Variants in CAPN8 observed in about 807,000 individuals in gnomAD.
CAPN8 encodes the protein calpain 8.
A neutral mutation model predicts 80.9 loss-of-function variants in CAPN8; 87 were observed. The ratio of observed to expected loss-of-function variants is 1.07; its 90% CI spans 0.90 to 1.28. The LOEUF (loss-of-function observed/expected upper bound fraction) is 1.28, where lower values mean the gene tolerates loss of function less well. Ranked by LOEUF, CAPN8 falls within the 50% of genes most tolerant of loss-of-function variation. The pLI is 0.00. For missense variants in CAPN8, 757 were observed against 702.0 expected (o/e 1.08, Z -0.89); for synonymous variants, 299 against 273.8 (o/e 1.09, Z -0.91).
chr1:223,619,168 T>A, intron 9 of CAPN8, 125 bp downstream of exon 9: 1 of 1,165,906 alleles, frequency 8.6e-7, no homozygotes, highest in South Asian at 1.6e-5. Flanking sequence ...CACTCCAACC[T>A]GGGGAACAGA....
chr1:223,544,896 C>T, intron 17 of CAPN8, 46 bp from the exon 18 acceptor site: 2 of 1,550,666 alleles, frequency 1.3e-6, no homozygotes, highest in Middle Eastern at 1.7e-4. Flanking sequence ...CATTCACGGC[C>T]CCTGCCAGAA....
At chr1:223,615,897 A>ACTTTTTC in intron 10 of CAPN8, 73 bp downstream of exon 10, 1 of 1,516,338 alleles carries the variant, frequency 6.6e-7, no homozygotes, top group Non-Finnish European at 8.9e-7. Context: ...AAGATGTGCT[A>ACTTTTTC]CAATGACTGG....
chr1:223,651,853 T>C (rs1381835111), intron 2 of CAPN8, among the ~76,000 whole-genome samples: 4 of 152,204 alleles, frequency 2.6e-5, no homozygotes, highest in Non-Finnish European at 5.9e-5. Context: ...CAAACAGTGT[T>C]GATAGTGTGC....
intron 2 of CAPN8, among the ~76,000 whole-genome samples, chr1:223,653,020 A>C (rs752218069): frequency 6.6e-6 from 1 of 151,966 alleles, no homozygotes; most frequent in Non-Finnish European, 1.5e-5. Flanking sequence ...TACCTTTCCC[A>C]AAGTTAAAAC....
At chr1:223,611,854 G>T (rs1657038316) in intron 11 of CAPN8, among the ~76,000 whole-genome samples, 1 of 152,200 alleles carries the variant, frequency 6.6e-6, no homozygotes, top group East Asian at 1.9e-4. Flanking sequence ...AGCCAAGCTT[G>T]AAAACCCAGA....
chr1:223,651,584 G>A (rs919160052), intron 2 of CAPN8, among the ~76,000 whole-genome samples: 1 of 152,210 alleles, frequency 6.6e-6, no homozygotes, highest in African/African-American at 2.4e-5. Flanking sequence ...CACCCTGACA[G>A]AAGCAGCCAG....
At chr1:223,642,337 T>G (rs1419991001) in intron 2 of CAPN8, among the ~76,000 whole-genome samples, 1 of 152,204 alleles carries the variant, frequency 6.6e-6, no homozygotes, top group Non-Finnish European at 1.5e-5. Context: ...AACTATAATT[T>G]TTATAGCCTC....
In CAPN8 at chr1:223,620,390, C is replaced by T. The variant is rs768991059; in HGVS notation, c.900-124G>A. On this transcript the variant is annotated intron_variant, in intron 7 of 20. Coordinates refer to ENST00000366872, the MANE Select transcript of CAPN8 (RefSeq NM_001143962.2). Reference sequence around the variant, plus strand: ...AAATACCAAAAGCACTGCAGGCAGACAGAAAGGCAGAATGGACAGTGTGGC... The same window carrying T: ...AAATACCAAAAGCACTGCAGGCAGATAGAAAGGCAGAATGGACAGTGTGGC... 388 of 792,428 alleles carry T rather than the reference C, an allele frequency of 4.9e-4. 4 individuals are homozygous for T. The Middle Eastern group carries it at 0.015, about 31-fold the overall frequency. 49.1% of individuals were successfully genotyped at this position (792,428 alleles called of 1,614,324 possible). A position where few individuals can be genotyped will look rare whatever the true frequency, so the allele number is the denominator to read the frequency against.
intron 11 of CAPN8, 30 bp from the exon 12 acceptor site, chr1:223,609,394 C>G (rs1182716320): frequency 2.5e-6 from 1 of 398,424 alleles, no homozygotes; most frequent in Non-Finnish European, 4.4e-6. Context: ...GAGTCAATTT[C>G]TTGTTAAATC....
intron 19 of CAPN8, among the ~76,000 whole-genome samples, chr1:223,543,553 T>G (rs1656531124): frequency 6.6e-6 from 1 of 152,156 alleles, no homozygotes; most frequent in Admixed American, 6.5e-5. Context: ...CTTGACCCAC[T>G]AGAACGTAAC....
chr1:223,541,758 G>C lies in CAPN8; in HGVS notation c.*78C>G. 1 of 1,550,192 alleles carries C rather than the reference G, an allele frequency of 6.5e-7. No individual in the cohort carries two copies. The highest frequency in any genetic ancestry group is 8.7e-7 in the Non-Finnish European group (1 of 1,146,012). The stretch of plus-strand genomic sequence containing the variant: ...CAGTGAATGCCACTGGAGCATAAAT[G>C]TTCACAAAATTGTAGAGAAGGGGTG... On this transcript the variant is annotated 3_prime_UTR_variant, in exon 21 of 21. Transcript: ENST00000366872.
At chr1:223,618,186 G>C (rs1296974321) in intron 9 of CAPN8, 1 of 1,539,440 alleles carries the variant, frequency 6.5e-7, no homozygotes, top group African/African-American at 1.4e-5. Context: ...AGAGAGAGCA[G>C]GATTTGCTTT....
intron 2 of CAPN8, among the ~76,000 whole-genome samples, chr1:223,646,994 C>G (rs909167885): frequency 2.0e-5 from 3 of 152,186 alleles, no homozygotes; most frequent in South Asian, 4.1e-4. Flanking sequence ...TCAGAGAGCA[C>G]CCCCTGGCCT....
intron 19 of CAPN8, among the ~76,000 whole-genome samples, 197 bp downstream of exon 19, chr1:223,543,870 C>T (rs1656540714): frequency 6.6e-6 from 1 of 152,224 alleles, no homozygotes; most frequent in South Asian, 2.1e-4. Flanking sequence ...TGGATCTGGC[C>T]AGCCTGGACT....
chr1:223,648,129 G>T (rs2102731046), intron 2 of CAPN8, among the ~76,000 whole-genome samples: 1 of 152,334 alleles, frequency 6.6e-6, no homozygotes, highest in Non-Finnish European at 1.5e-5. Flanking sequence ...GGGACCCTTT[G>T]TTCAGAGTAG....
chr1:223,547,034 C>A lies in CAPN8; in HGVS notation c.1765-1735G>T, dbSNP rs908026280. Among the ~76,000 whole-genome samples the A allele has an allele frequency of 2.0e-5, 3 of 152,146 alleles. 1 individual carries two copies. In the South Asian group the frequency reaches 6.2e-4, roughly 32 times the overall value. On this transcript the variant is annotated intron_variant, in intron 16 of 20. Transcript: ENST00000366872. Reference sequence around the variant, plus strand: ...GCTCAAGCGATTCTCGTGCTTCAGCCTCCCCAGTAGCTGGGATTACAGACA... The same window carrying A: ...GCTCAAGCGATTCTCGTGCTTCAGCATCCCCAGTAGCTGGGATTACAGACA...
intron 2 of CAPN8, among the ~76,000 whole-genome samples, chr1:223,635,486 C>T (rs1213679202): frequency 6.6e-6 from 1 of 152,256 alleles, no homozygotes; most frequent in Non-Finnish European, 1.5e-5. Flanking sequence ...TCTGGCTAGA[C>T]TTGGAAGCTG....
intron 10 of CAPN8, among the ~76,000 whole-genome samples, chr1:223,614,955 T>C (rs1657128526): frequency 6.6e-6 from 1 of 152,262 alleles, no homozygotes; most frequent in South Asian, 2.1e-4. Flanking sequence ...TTAGCAATTA[T>C]TTTCCAACTC....
chr1:223,625,713 A>C (rs1309187570), intron 6 of CAPN8, 92 bp downstream of exon 6: 2 of 1,146,754 alleles, frequency 1.7e-6, no homozygotes, highest in African/African-American at 3.1e-5. Flanking sequence ...CGAACCTTCT[A>C]GTAGTAATCA....
Sources: gnomAD v4.1 joint callset for allele counts (sites outside exome capture counted in the v4.1 genomes callset) on GRCh38, gnomAD v4.1.1 for gene constraint, MANE v1.5 for transcripts, NCBI Gene and HGNC (gene_info 2026-07-23, HGNC 2026-07-21) for gene names.